Variants in CEP162 observed in about 807,000 individuals in gnomAD.
CEP162 encodes centrosomal protein of 162 kDa.
CEP162 carries 141 observed loss-of-function variants against 169.2 expected under a neutral mutation model. That is an observed-to-expected ratio of 0.83 (90% CI 0.73 to 0.96). The LOEUF is 0.96. CEP162 is among the 40% of genes least tolerant of loss of function. CEP162 has a pLI of 0.00. For synonymous variants in CEP162, 540 were observed against 526.4 expected (o/e 1.03, Z -0.35); for missense variants, 1,600 against 1,587.2 (o/e 1.01, Z -0.14).
intron 5 of CEP162, 76 bp from the exon 6 acceptor site, chr6:84,213,100 T>C: frequency 1.2e-6 from 1 of 869,330 alleles, no homozygotes; most frequent in Non-Finnish European, 1.8e-6. Context: ...GTATACCGTT[T>C]TAAAAAATCC....
chr6:84,227,165 G>A (rs2099556059), intron 1 of CEP162, among the ~76,000 whole-genome samples: 1 of 152,120 alleles, frequency 6.6e-6, no homozygotes. Flanking sequence ...CCAACCTTGG[G>A]TCGACCCCCA....
At position 84,134,160 on chromosome 6, in the gene CEP162, G is replaced by C. The variant is rs537178428; in HGVS notation, c.3871-7648C>G. Among the ~76,000 whole-genome samples the C allele has an allele frequency of 2.6e-5, 4 of 152,250 alleles. No individual in the cohort carries two copies. In the South Asian group the frequency reaches 8.3e-4, roughly 32 times the overall value. On this transcript the variant is annotated intron_variant, in intron 25 of 26. Transcript: ENST00000403245. The stretch of plus-strand genomic sequence containing the variant: ...CCTGTAGGCTTTGTTTATGCTATGA[G>C]GGGAAAACTGCTTACTCAAGCCTCA...
rs764376178 is a variant in CEP162, at chr6:84,186,364, A to G, written c.1369T>C (p.Ser457Pro). 4 of 1,457,994 alleles carry G rather than the reference A, an allele frequency of 2.7e-6. No individual in the cohort carries two copies. The African/African-American group carries it at 5.6e-5, about 20-fold the overall frequency. 90.3% of individuals were successfully genotyped at this position (1,457,994 alleles called of 1,614,324 possible). A position where few individuals can be genotyped will look rare whatever the true frequency, so the allele number is the denominator to read the frequency against. Reference protein sequence around the residue: ...ILRKKITVNSSSLSQDDKINK... With the variant: ...ILRKKITVNSPSLSQDDKINK... ...ATTTTGTCATCCTGAGATAATGATGAAGAATTAACAGTTATTTTTTTCCTC... is the reference window on the plus strand; with the variant it reads ...ATTTTGTCATCCTGAGATAATGATGGAGAATTAACAGTTATTTTTTTCCTC... The change falls in exon 12 of 27, where the codon TCA becomes CCA. Residue 457 changes from serine to proline, a missense_variant. Transcript: ENST00000403245.
chr6:84,212,032 C>A lies in CEP162; in HGVS notation c.571+925G>T, dbSNP rs899201893. Among the ~76,000 whole-genome samples the A allele has an allele frequency of 4.0e-5, 6 of 150,618 alleles. No homozygotes were observed. In the South Asian group the frequency reaches 1.2e-3, roughly 31 times the overall value. On this transcript the variant is annotated intron_variant, in intron 6 of 26. Coordinates refer to ENST00000403245, the MANE Select transcript of CEP162 (RefSeq NM_014895.4). ...ACAATAGAATAAAATCATTAAACTG[C>A]CCGAAGGAAAAAAAAACACTACATA... is the stretch of plus-strand genomic sequence containing the variant.
intron 11 of CEP162, among the ~76,000 whole-genome samples, chr6:84,191,826 C>G (rs1280986675): frequency 1.3e-5 from 2 of 152,152 alleles, no homozygotes; most frequent in Non-Finnish European, 2.9e-5. Flanking sequence ...ACTGACCAAA[C>G]TCATTTTTCT....
chr6:84,215,607 TTAA>T (rs2099551243), intron 4 of CEP162, 142 bp from the exon 5 acceptor site: 3 of 1,160,996 alleles, frequency 2.6e-6, no homozygotes, highest in African/African-American at 1.6e-5. Flanking sequence ...TGAATTCATA[TTAA>T]TAATACGTAA....
intron 2 of CEP162, among the ~76,000 whole-genome samples, chr6:84,224,982 C>A (rs888282761): frequency 6.6e-5 from 10 of 152,118 alleles, no homozygotes; most frequent in African/African-American, 2.2e-4. Context: ...TTGGTAGATG[C>A]TTTTTTAAAT....
At chr6:84,131,418 G>A (rs949727349) in intron 25 of CEP162, among the ~76,000 whole-genome samples, 12 of 152,084 alleles carry the variant, frequency 7.9e-5, no homozygotes, top group African/African-American at 2.9e-4. Flanking sequence ...TTTCTGTCTC[G>A]TTGATCTGTC....
chr6:84,183,625 C>A (rs549388814), intron 13 of CEP162, among the ~76,000 whole-genome samples: 27 of 152,038 alleles, frequency 1.8e-4, no homozygotes, highest in Non-Finnish European at 2.9e-4. Context: ...CCATTGATGC[C>A]CTTTCTTCCT....
chr6:84,146,625 T>C (rs1182466814), intron 25 of CEP162, 62 bp downstream of exon 25: 3 of 706,890 alleles, frequency 4.2e-6, no homozygotes, highest in East Asian at 2.8e-5. Context: ...TTTATAAATA[T>C]GAATATGATT....
intron 22 of CEP162, among the ~76,000 whole-genome samples, chr6:84,153,961 C>A (rs954490938): frequency 2.0e-5 from 3 of 152,120 alleles, no homozygotes; most frequent in Non-Finnish European, 4.4e-5. Context: ...GGTGGGAAGA[C>A]TGCACAGAGA....
chr6:84,160,839 G>T lies in CEP162; in HGVS notation c.2754C>A (p.Ala918=). The change falls in exon 21 of 27, where the codon GCC becomes GCA. Residue 918 remains alanine, a synonymous_variant. Coordinates refer to ENST00000403245, the MANE Select transcript of CEP162 (RefSeq NM_014895.4). ...KIRLKDKAAD[A]KKIQDLERQV... ...GTCGCTCCAGATCCTGAATTTTTTT[G>T]GCATCTGCTGCTTTATCTTTTAAGC... The T allele has an allele frequency of 6.2e-7, 1 of 1,611,290 alleles. No individual in the cohort carries two copies. Among genetic ancestry groups the T allele is most frequent in the Non-Finnish European group, 8.5e-7 (1 of 1,177,902 alleles).
In CEP162 at chr6:84,155,288, T is replaced by G. The variant is rs927383279; in HGVS notation, c.2994+10A>C. 7 of 1,609,424 alleles carry G rather than the reference T, an allele frequency of 4.3e-6. No homozygotes were observed. The Middle Eastern group carries it at 9.9e-4, about 228-fold the overall frequency. ...TCTGACCTTTATCTCTGAGGCTACT[T>G]ACCACTTACCTTCATTTTCTGAAAC... is the stretch of plus-strand genomic sequence containing the variant. On this transcript the variant is annotated intron_variant, in intron 22 of 26. Transcript: ENST00000403245.
intron 2 of CEP162, among the ~76,000 whole-genome samples, chr6:84,224,376 G>C (rs2099554897): frequency 6.6e-6 from 1 of 152,158 alleles, no homozygotes. Context: ...AGTTGCCTAA[G>C]GCTAGGGAAG....
intron 6 of CEP162, among the ~76,000 whole-genome samples, chr6:84,209,568 T>G (rs1478759957): frequency 2.0e-5 from 3 of 151,854 alleles, no homozygotes; most frequent in Admixed American, 6.6e-5. Context: ...TAGAGACAGA[T>G]TTCACCATGT....
At chr6:84,146,046 C>G (rs933294565) in intron 25 of CEP162, among the ~76,000 whole-genome samples, 1 of 152,100 alleles carries the variant, frequency 6.6e-6, no homozygotes, top group African/African-American at 2.4e-5. Flanking sequence ...GACCTATTCT[C>G]AGCACTAAGA....
chr6:84,197,148 T>C (rs2099542486), intron 9 of CEP162, among the ~76,000 whole-genome samples: 1 of 151,934 alleles, frequency 6.6e-6, no homozygotes, highest in Admixed American at 6.6e-5. Flanking sequence ...ATACCTAATT[T>C]AGTAGGTATG....
intron 13 of CEP162, among the ~76,000 whole-genome samples, chr6:84,184,045 C>T (rs73485350): frequency 0.036 from 5,500 of 152,162 alleles, 357 homozygotes; most frequent in African/African-American, 0.13. Context: ...CCAGCATATA[C>T]TCTCCCTTCC....
intron 3 of CEP162, among the ~76,000 whole-genome samples, chr6:84,220,829 A>G (rs1241944893): frequency 6.6e-6 from 1 of 152,212 alleles, no homozygotes; most frequent in Non-Finnish European, 1.5e-5. Context: ...TTGAGTAAAT[A>G]TAAATTATCT....
Sources: allele counts gnomAD v4.1 joint callset (sites outside exome capture counted in the v4.1 genomes callset), GRCh38; gene constraint gnomAD v4.1.1; transcripts MANE v1.5; gene names NCBI Gene and HGNC (gene_info 2026-07-23, HGNC 2026-07-21).